ASIC2: variants seen among roughly 807,000 people sequenced by gnomAD.
ASIC2 encodes the protein acid-sensing ion channel 2.
In ASIC2, 25 loss-of-function variants were observed where a neutral mutation model predicts 57.3. The observed-to-expected ratio is 0.44, with a 90% CI of 0.32 to 0.61. The LOEUF (loss-of-function observed/expected upper bound fraction) is 0.61, where lower values mean the gene tolerates loss of function less well. ASIC2 is among the 20% of genes least tolerant of loss of function. ASIC2 has a pLI of 0.06. For missense variants in ASIC2, 641 were observed against 738.1 expected (o/e 0.87, Z 1.52); for synonymous variants, 319 against 307.5 (o/e 1.04, Z -0.39).
intron 1 of ASIC2, among the ~76,000 whole-genome samples, chr17:33,144,098 G>A (rs1003288843): frequency 1.3e-5 from 2 of 151,812 alleles, no homozygotes; most frequent in South Asian, 2.1e-4. Flanking sequence ...GGTCCGGGGT[G>A]GGCACCTCAT....
At chr17:33,744,941 T>C (rs1910216525) in intron 1 of ASIC2, among the ~76,000 whole-genome samples, 1 of 152,110 alleles carries the variant, frequency 6.6e-6, no homozygotes, top group Admixed American at 6.5e-5. Context: ...AGCAGTAGAT[T>C]TGAATGGGCA....
intron 1 of ASIC2, among the ~76,000 whole-genome samples, chr17:33,515,153 T>C (rs1233462898): frequency 6.6e-6 from 1 of 152,212 alleles, no homozygotes; most frequent in Non-Finnish European, 1.5e-5. Context: ...AGGAGGGAAG[T>C]GCACAGGGCA....
At chr17:33,130,602 C>A (rs577259204) in intron 1 of ASIC2, among the ~76,000 whole-genome samples, 1 of 152,260 alleles carries the variant, frequency 6.6e-6, no homozygotes, top group African/African-American at 2.4e-5. Context: ...AACTCCCCAA[C>A]CCCCCAAGAG....
chr17:33,862,166 C>T (rs1225266927), intron 1 of ASIC2, among the ~76,000 whole-genome samples: 1 of 152,222 alleles, frequency 6.6e-6, no homozygotes, highest in Non-Finnish European at 1.5e-5. Context: ...TAACATGCAG[C>T]CTCTTCGGTA....
At chr17:33,232,023 A>C (rs1908109555) in intron 1 of ASIC2, among the ~76,000 whole-genome samples, 1 of 152,106 alleles carries the variant, frequency 6.6e-6, no homozygotes, top group Admixed American at 6.6e-5. Context: ...CTCCTAAATA[A>C]ATTTGGAACC....
intron 1 of ASIC2, among the ~76,000 whole-genome samples, chr17:33,789,464 TCACACACACA>T (rs3064584): frequency 2.7e-4 from 39 of 144,510 alleles, no homozygotes; most frequent in East Asian, 1.7e-3. Flanking sequence ...AGAATCATGG[TCACACACACA>T]CACACACACA....
chr17:33,063,595 T>C (rs2092030059), intron 3 of ASIC2, among the ~76,000 whole-genome samples: 1 of 152,216 alleles, frequency 6.6e-6, no homozygotes, highest in South Asian at 2.1e-4. Context: ...GCCCTTAACA[T>C]TTTTTCCTTC....
chr17:33,060,011 GT>G (rs549982513), intron 3 of ASIC2, among the ~76,000 whole-genome samples: 7 of 151,648 alleles, frequency 4.6e-5, no homozygotes, highest in East Asian at 1.9e-4. Context: ...GGGGTTGTTT[GT>G]TTTTTTTCTT....
intron 2 of ASIC2, among the ~76,000 whole-genome samples, chr17:33,091,883 GGT>G (rs1310031750): frequency 6.6e-6 from 1 of 152,150 alleles, no homozygotes; most frequent in African/African-American, 2.4e-5. Flanking sequence ...AGTTATGAAA[GGT>G]GGCTTGTGTG....
intron 1 of ASIC2, among the ~76,000 whole-genome samples, chr17:33,962,562 T>C (rs1875938491): frequency 6.6e-6 from 1 of 152,152 alleles, no homozygotes; most frequent in African/African-American, 2.4e-5. Flanking sequence ...GGATGTCTCT[T>C]CTGTTATCAT....
intron 1 of ASIC2, among the ~76,000 whole-genome samples, chr17:34,023,035 G>T (rs1413889504): frequency 1.3e-5 from 2 of 151,990 alleles, no homozygotes; most frequent in Non-Finnish European, 2.9e-5. Flanking sequence ...TTTGCCTTCT[G>T]CCATGCTTGT....
At chr17:33,620,913 G>A (rs549921750) in intron 1 of ASIC2, among the ~76,000 whole-genome samples, 12 of 150,278 alleles carry the variant, frequency 8.0e-5, no homozygotes, top group Non-Finnish European at 1.2e-4. Flanking sequence ...CTCTGAGCCC[G>A]CCCCCTTCCA....
intron 1 of ASIC2, among the ~76,000 whole-genome samples, chr17:33,874,472 T>C (rs1914502729): frequency 6.6e-6 from 1 of 152,262 alleles, no homozygotes; most frequent in South Asian, 2.1e-4. Flanking sequence ...TTTCATTTGC[T>C]AAACCAAGCA....
intron 1 of ASIC2, among the ~76,000 whole-genome samples, chr17:33,531,430 A>G (rs1369103): frequency 0.71 from 108,454 of 152,044 alleles, 38,848 homozygotes; most frequent in African/African-American, 0.79. Flanking sequence ...GTGGGCCTCA[A>G]TCCTCTCTGC....
chr17:33,855,251 C>G (rs77182983), intron 1 of ASIC2, among the ~76,000 whole-genome samples: 2 of 152,282 alleles, frequency 1.3e-5, no homozygotes, highest in South Asian at 4.2e-4. Flanking sequence ...CAACTCCAGA[C>G]TGGAGACCCT....
intron 1 of ASIC2, among the ~76,000 whole-genome samples, chr17:33,556,157 T>G (rs1915900502): frequency 6.6e-6 from 1 of 152,186 alleles, no homozygotes; most frequent in African/African-American, 2.4e-5. Flanking sequence ...AGCCAGAGAT[T>G]AAGGGTCTGT....
rs869134623 is a variant in ASIC2 at position 33,932,713 on chromosome 17, C to CAAAAAAAAA, written c.555+223256_555+223264dup. On this transcript the variant is annotated intron_variant, in intron 1 of 9. Coordinates refer to the ASIC2 transcript ENST00000359872. Reference sequence around the variant, plus strand: ...GGGCAACAAAAGCGAAACTTTGTTTCAAAAAAAAAAAAAAAAAAAAAAAAA... The same window carrying CAAAAAAAAA: ...GGGCAACAAAAGCGAAACTTTGTTTCAAAAAAAAAAAAAAAAAAAAAAAAAAAAAAAAAA... The CAAAAAAAAA allele has an allele frequency of 4.5e-5, 2 of 44,066 alleles. 1 individual carries two copies. Among genetic ancestry groups the CAAAAAAAAA allele is most frequent in the African/African-American group, 2.2e-4 (2 of 9,252 alleles). 2.7% of individuals were successfully genotyped at this position (44,066 alleles called of 1,614,324 possible).
At chr17:34,140,029 C>T (rs1225665844) in intron 1 of ASIC2, among the ~76,000 whole-genome samples, 1 of 152,100 alleles carries the variant, frequency 6.6e-6, no homozygotes, top group Non-Finnish European at 1.5e-5. Flanking sequence ...ATTGTATCTT[C>T]AATGGGTCTT....
rs141659549 is a variant in ASIC2, at chr17:33,449,682, C to T, written c.556-337615G>A. Among the ~76,000 whole-genome samples the T allele has an allele frequency of 7.9e-5, 12 of 152,154 alleles. No homozygotes were observed. The East Asian group carries it at 2.1e-3, about 27-fold the overall frequency. On this transcript the variant is annotated intron_variant, in intron 1 of 9. Coordinates refer to the ASIC2 transcript ENST00000359872. ...AATGGAAAATTTCCTATACATAAAG[C>T]GTTATAGACCTTCTTATCCTTTGAC...
Sources: allele counts gnomAD v4.1 joint callset (sites outside exome capture counted in the v4.1 genomes callset), GRCh38; gene constraint gnomAD v4.1.1; transcripts MANE v1.5; gene names NCBI Gene and HGNC (gene_info 2026-07-23, HGNC 2026-07-21).